SMYD3: variants seen among roughly 807,000 people sequenced by gnomAD.
The protein encoded by SMYD3 is histone-lysine N-methyltransferase SMYD3.
Under a neutral mutation model 57.7 loss-of-function variants are expected in SMYD3, and 36 were observed. That is an observed-to-expected ratio of 0.62 (90% CI 0.48 to 0.82). The LOEUF is 0.82. Ranked by LOEUF, SMYD3 falls within the 40% of genes least tolerant of loss-of-function variation. The pLI is 0.00. For synonymous variants in SMYD3, 211 were observed against 195.0 expected (o/e 1.08, Z -0.68); for missense variants, 515 against 538.8 (o/e 0.96, Z 0.44).
At chr1:246,219,074 C>T (rs1185907699) in intron 5 of SMYD3, among the ~76,000 whole-genome samples, 10 of 152,134 alleles carry the variant, frequency 6.6e-5, no homozygotes, top group Non-Finnish European at 1.5e-4. Flanking sequence ...TTTTCCCCTC[C>T]AACTATTGAT....
intron 5 of SMYD3, among the ~76,000 whole-genome samples, chr1:246,323,405 C>T (rs889218858): frequency 1.3e-5 from 2 of 152,096 alleles, no homozygotes; most frequent in East Asian, 1.9e-4. Context: ...TTAAGGCTTA[C>T]GCAGCAGATG....
intron 5 of SMYD3, among the ~76,000 whole-genome samples, chr1:245,957,213 G>A (rs10924403): frequency 0.57 from 86,466 of 152,086 alleles, 26,446 homozygotes; most frequent in East Asian, 0.95. Flanking sequence ...AGTATTATTC[G>A]GTTCATCTCA....
At chr1:245,876,894 C>G (rs1055548370) in intron 8 of SMYD3, among the ~76,000 whole-genome samples, 4 of 151,982 alleles carry the variant, frequency 2.6e-5, no homozygotes, top group African/African-American at 9.7e-5. Context: ...GGGAAAATGT[C>G]CTGGAGAAGA....
chr1:246,037,585 T>G (rs1033825605), intron 5 of SMYD3, among the ~76,000 whole-genome samples: 1 of 152,244 alleles, frequency 6.6e-6, no homozygotes, highest in Non-Finnish European at 1.5e-5. Context: ...CCATCTTTCC[T>G]GCTCCGGCAA....
chr1:246,183,525 T>C (rs2062586258), intron 5 of SMYD3, among the ~76,000 whole-genome samples: 1 of 151,836 alleles, frequency 6.6e-6, no homozygotes, highest in African/African-American at 2.4e-5. Context: ...AGAATTCCAT[T>C]TCCTACAAGA....
intron 10 of SMYD3, among the ~76,000 whole-genome samples, chr1:245,779,922 C>G (rs1025996387): frequency 1.3e-5 from 2 of 152,096 alleles, no homozygotes; most frequent in Non-Finnish European, 2.9e-5. Flanking sequence ...ACACCTGAAA[C>G]GATGCTCAAC....
chr1:246,153,287 C>T (rs1030286632), intron 5 of SMYD3, among the ~76,000 whole-genome samples: 3 of 152,034 alleles, frequency 2.0e-5, no homozygotes, highest in Non-Finnish European at 2.9e-5. Context: ...ACAGACCATC[C>T]ATTCTCCTGT....
At chr1:246,130,732 C>CT (rs1206525723) in intron 5 of SMYD3, among the ~76,000 whole-genome samples, 6 of 152,148 alleles carry the variant, frequency 3.9e-5, no homozygotes, top group African/African-American at 1.4e-4. Context: ...TTTGTATTTC[C>CT]TTTCTCCTGC....
intron 5 of SMYD3, among the ~76,000 whole-genome samples, chr1:246,240,654 A>G (rs1212095626): frequency 1.3e-5 from 2 of 152,188 alleles, no homozygotes; most frequent in Non-Finnish European, 2.9e-5. Context: ...TGATGGCAAT[A>G]GCATTGAATC....
chr1:246,378,726 T>TTTATATTTTA, intron 1 of SMYD3, among the ~76,000 whole-genome samples: 1 of 89,856 alleles, frequency 1.1e-5, no homozygotes, highest in Non-Finnish European at 2.1e-5. Context: ...TATAATATAT[T>TTTATATTTTA]ATATATTATA....
intron 1 of SMYD3, among the ~76,000 whole-genome samples, chr1:246,432,162 T>C (rs1239701485): frequency 1.3e-5 from 2 of 152,212 alleles, no homozygotes. Flanking sequence ...TCAGAACCAT[T>C]TATTTTCCAC....
At chr1:246,312,576 TGGA>T (rs1274226433) in intron 5 of SMYD3, among the ~76,000 whole-genome samples, 1 of 151,920 alleles carries the variant, frequency 6.6e-6, no homozygotes, top group East Asian at 1.9e-4. Context: ...ACAGCAAAGG[TGGA>T]GAAGCAGTAT....
At chr1:245,813,332 GA>G (rs1434877998) in intron 10 of SMYD3, among the ~76,000 whole-genome samples, 3 of 152,028 alleles carry the variant, frequency 2.0e-5, no homozygotes, top group Admixed American at 1.3e-4. Context: ...TCTTTCATTT[GA>G]AAATGTTCTC....
intron 1 of SMYD3, among the ~76,000 whole-genome samples, chr1:246,497,701 C>A (rs914497670): frequency 6.6e-6 from 1 of 151,970 alleles, no homozygotes; most frequent in Non-Finnish European, 1.5e-5. Flanking sequence ...AAAAAATTTT[C>A]TTTTAATTAG....
At chr1:246,041,794 T>G (rs551235971) in intron 5 of SMYD3, among the ~76,000 whole-genome samples, 31 of 151,794 alleles carry the variant, frequency 2.0e-4, no homozygotes, top group African/African-American at 7.5e-4. Flanking sequence ...TAGCTCAATC[T>G]AGATGGTATG....
At chr1:246,317,498 A>G (rs929643298) in intron 5 of SMYD3, among the ~76,000 whole-genome samples, 1 of 152,248 alleles carries the variant, frequency 6.6e-6, no homozygotes, top group Non-Finnish European at 1.5e-5. Context: ...TTGGGGAGAA[A>G]TAGAAAGAGT....
At chr1:246,454,423 T>C (rs940777431) in intron 1 of SMYD3, among the ~76,000 whole-genome samples, 2 of 152,052 alleles carry the variant, frequency 1.3e-5, no homozygotes, top group African/African-American at 4.8e-5. Flanking sequence ...TGAAAAGAAA[T>C]ACATAAGGCA....
At chr1:246,391,920 T>A (rs560915633) in intron 1 of SMYD3, among the ~76,000 whole-genome samples, 2 of 152,332 alleles carry the variant, frequency 1.3e-5, no homozygotes, top group South Asian at 4.1e-4. Context: ...CCTATGCCTT[T>A]GAACATACCC....
At chr1:246,476,535 T>C (rs1172050711) in intron 1 of SMYD3, among the ~76,000 whole-genome samples, 2 of 152,190 alleles carry the variant, frequency 1.3e-5, no homozygotes, top group Non-Finnish European at 2.9e-5. Context: ...GTAAACCACT[T>C]TGCCCTGCTA....
Sources: allele counts gnomAD v4.1 joint callset (sites outside exome capture counted in the v4.1 genomes callset), GRCh38; gene constraint gnomAD v4.1.1; transcripts MANE v1.5; gene names NCBI Gene and HGNC (gene_info 2026-07-23, HGNC 2026-07-21).